The following FGF14 variants were observed in gnomAD, a reference collection of about 807,000 sequenced individuals.
FGF14 encodes fibroblast growth factor 14, also known as fibroblast growth factor homologous factor 4.
A neutral mutation model predicts 25.5 loss-of-function variants in FGF14; 5 were observed. The observed-to-expected ratio is 0.20, with a 90% CI of 0.10 to 0.41. The LOEUF (loss-of-function observed/expected upper bound fraction) is 0.41, where lower values mean the gene tolerates loss of function less well. Among genes scored for constraint, FGF14 ranks in the 10% least tolerant of loss-of-function variants. The pLI, the probability that FGF14 is intolerant of heterozygous loss-of-function variation, is 1.00. For synonymous variants in FGF14, 138 were observed against 118.3 expected (o/e 1.17, Z -1.08); for missense variants, 222 against 320.1 (o/e 0.69, Z 2.34).
At chr13:102,273,269 T>C (rs1566887076) in intron 1 of FGF14, among the ~76,000 whole-genome samples, 1 of 152,178 alleles carries the variant, frequency 6.6e-6, no homozygotes, top group Non-Finnish European at 1.5e-5. Context: ...CACTGATCCG[T>C]CGACTAATCG....
chr13:102,001,106 T>C (rs1170163155), intron 1 of FGF14, among the ~76,000 whole-genome samples: 1 of 152,156 alleles, frequency 6.6e-6, no homozygotes, highest in African/African-American at 2.4e-5. Context: ...AAGGAAGATC[T>C]AAAGTATTAA....
intron 3 of FGF14, among the ~76,000 whole-genome samples, chr13:101,748,577 G>A (rs1320766878): frequency 6.6e-6 from 1 of 151,466 alleles, no homozygotes; most frequent in Non-Finnish European, 1.5e-5. Context: ...ATACAGCCAT[G>A]TAAAAAAACA....
intron 1 of FGF14, among the ~76,000 whole-genome samples, chr13:102,211,707 A>G (rs7324898): frequency 0.76 from 116,356 of 152,132 alleles, 44,567 homozygotes; most frequent in East Asian, 0.84. Flanking sequence ...TATATTTTCA[A>G]TGAAATTTGG....
At chr13:102,253,393 T>TGCCA (rs1353551693) in intron 1 of FGF14, among the ~76,000 whole-genome samples, 2 of 152,178 alleles carry the variant, frequency 1.3e-5, no homozygotes, top group Non-Finnish European at 2.9e-5. Context: ...CTCACTGTGG[T>TGCCA]TTTGATTTGC....
At chr13:101,738,237 G>C (rs2036310453) in intron 3 of FGF14, among the ~76,000 whole-genome samples, 1 of 152,070 alleles carries the variant, frequency 6.6e-6, no homozygotes, top group Non-Finnish European at 1.5e-5. Context: ...CCTACATCAT[G>C]CTGCTATTTA....
Position 102,095,740 on chromosome 13 carries a change from T to A in FGF14, c.209-220444A>T, listed in dbSNP as rs575855072. ...CAAGTATGTTTTCTATTCTTATAATTTTCTTAATAGCATTTTCTTTTCTCT... is the reference window on the plus strand; with the variant it reads ...CAAGTATGTTTTCTATTCTTATAATATTCTTAATAGCATTTTCTTTTCTCT... On this transcript the variant is annotated intron_variant, in intron 1 of 4. Transcript: ENST00000376131. Among the ~76,000 whole-genome samples the A allele has an allele frequency of 2.6e-5, 4 of 152,254 alleles. No homozygotes were observed. The South Asian group carries it at 8.3e-4, about 32-fold the overall frequency.
At chr13:102,248,055 CAA>C (rs1319975296) in intron 1 of FGF14, among the ~76,000 whole-genome samples, 1 of 151,946 alleles carries the variant, frequency 6.6e-6, no homozygotes, top group African/African-American at 2.4e-5. Flanking sequence ...CACATGAACA[CAA>C]AGAGAAACAA....
chr13:102,125,788 C>T (rs757993991), intron 1 of FGF14, among the ~76,000 whole-genome samples: 3 of 152,080 alleles, frequency 2.0e-5, no homozygotes, highest in Non-Finnish European at 4.4e-5. Context: ...TGGTGTAAAA[C>T]ACACAACCAT....
intron 1 of FGF14, among the ~76,000 whole-genome samples, chr13:102,355,068 T>C (rs933773026): frequency 6.6e-6 from 1 of 152,154 alleles, no homozygotes; most frequent in African/African-American, 2.4e-5. Context: ...GGGAAAAAGG[T>C]ACGTCTTTTT....
Position 102,058,717 on chromosome 13 carries a change from G to C in FGF14, c.209-183421C>G, listed in dbSNP as rs116578341. Reference sequence around the variant, plus strand: ...AGTTTGTAATTTTCTCTTCAGTTAAGATGTCCATATCTCCATTTTAATGAG... The same window carrying C: ...AGTTTGTAATTTTCTCTTCAGTTAACATGTCCATATCTCCATTTTAATGAG... On this transcript the variant is annotated intron_variant, in intron 1 of 4. Coordinates refer to the FGF14 transcript ENST00000376131. Among the ~76,000 whole-genome samples the C allele has an allele frequency of 5.3e-3, 800 of 152,138 alleles. 6 individuals are homozygous for C. Among genetic ancestry groups the C allele is most frequent in the African/African-American group, 0.018 (748 of 41,516 alleles).
chr13:102,320,626 G>C (rs1163854252), intron 1 of FGF14, among the ~76,000 whole-genome samples: 2 of 152,122 alleles, frequency 1.3e-5, no homozygotes, highest in Non-Finnish European at 2.9e-5. Flanking sequence ...TTAGAGGTAG[G>C]AGGCAAGGTA....
intron 1 of FGF14, among the ~76,000 whole-genome samples, chr13:101,992,096 T>G (rs2038940398): frequency 6.6e-6 from 1 of 152,134 alleles, no homozygotes; most frequent in Non-Finnish European, 1.5e-5. Flanking sequence ...CACTCAGACC[T>G]AAACATAAGC....
intron 1 of FGF14, among the ~76,000 whole-genome samples, chr13:102,209,604 T>G (rs2050081231): frequency 6.6e-6 from 1 of 152,216 alleles, no homozygotes; most frequent in Non-Finnish European, 1.5e-5. Context: ...GAGGCAGCTA[T>G]AAGCTATCAG....
At chr13:102,276,986 C>T (rs558035914) in intron 1 of FGF14, among the ~76,000 whole-genome samples, 36 of 152,278 alleles carry the variant, frequency 2.4e-4, no homozygotes, top group Non-Finnish European at 3.8e-4. Flanking sequence ...TTGCTAAAAG[C>T]ATGTCAACCT....
intron 1 of FGF14, among the ~76,000 whole-genome samples, chr13:101,984,299 G>A (rs935081760): frequency 6.6e-6 from 1 of 151,846 alleles, no homozygotes; most frequent in Non-Finnish European, 1.5e-5. Context: ...ACATATAATT[G>A]GTTTTAGTAG....
intron 3 of FGF14, among the ~76,000 whole-genome samples, chr13:101,862,865 A>C (rs2044494703): frequency 6.6e-6 from 1 of 152,328 alleles, no homozygotes; most frequent in African/African-American, 2.4e-5. Flanking sequence ...CTTGATTAAA[A>C]AAAGAAATAT....
At chr13:102,166,333 A>G (rs995419237) in intron 1 of FGF14, among the ~76,000 whole-genome samples, 1 of 152,082 alleles carries the variant, frequency 6.6e-6, no homozygotes, top group Admixed American at 6.6e-5. Flanking sequence ...AATCTATTAA[A>G]TAGATTTATT....
At chr13:102,055,350 G>A (rs144296790) in intron 1 of FGF14, among the ~76,000 whole-genome samples, 185 of 152,214 alleles carry the variant, frequency 1.2e-3, no homozygotes, top group African/African-American at 4.3e-3. Flanking sequence ...TCTGTGAAAC[G>A]TTTATTGCTT....
rs2034785179 is a variant in FGF14 at position 101,717,851 on chromosome 13, T to TGTC, written c.*4977_*4979dup. ...ATAGCTCATCACAAAACCTCAGGTA[T>TGTC]GTCTTATTTTTCTTATAATCCTCTG... On this transcript the variant is annotated 3_prime_UTR_variant, in exon 5 of 5. Transcript: ENST00000376143. 1 of 152,160 alleles carries TGTC rather than the reference T, an allele frequency of 6.6e-6. No individual in the cohort carries two copies. The allele number at this position is 152,160 out of a possible 1,614,324, so 9.4% of individuals were successfully genotyped here.
Sources: allele counts gnomAD v4.1 joint callset (sites outside exome capture counted in the v4.1 genomes callset), GRCh38; gene constraint gnomAD v4.1.1; transcripts MANE v1.5; gene names NCBI Gene and HGNC (gene_info 2026-07-23, HGNC 2026-07-21).